MAP3K15: variants seen among roughly 807,000 people sequenced by gnomAD.
The protein encoded by MAP3K15 is MAPK/ERK kinase kinase 15.
Under a neutral mutation model 99.5 loss-of-function variants are expected in MAP3K15, and 124 were observed. The ratio of observed to expected loss-of-function variants is 1.25; its 90% CI spans 1.08 to 1.45. The LOEUF (loss-of-function observed/expected upper bound fraction) is 1.45, where lower values mean the gene tolerates loss of function less well. Ranked by LOEUF, MAP3K15 falls within the 40% of genes most tolerant of loss-of-function variation. MAP3K15 has a pLI of 0.00. For missense variants in MAP3K15, 1,242 were observed against 1,079.7 expected (o/e 1.15, Z -2.11); for synonymous variants, 494 against 439.6 (o/e 1.12, Z -1.55).
chrX:19,487,472 T>C (rs2064337030), intron 2 of MAP3K15, among the ~76,000 whole-genome samples: 1 of 111,946 alleles, frequency 8.9e-6, no homozygotes, highest in Non-Finnish European at 1.9e-5. Context: ...TAAGCATAGC[T>C]ACCTTGGTGA....
At position 19,395,154 on chromosome X, in the gene MAP3K15, G is replaced by A. The variant is rs1218628213; in HGVS notation, c.2121C>T (p.Arg707=). The A allele has an allele frequency of 7.4e-6, 9 of 1,208,849 alleles. No homozygotes were observed. The highest frequency in any genetic ancestry group is 1.7e-5 in the African/African-American group (1 of 57,492). Residue 707 remains arginine (R), a synonymous_variant, in exon 16 of 29, where the codon CGC becomes CGT. Transcript: ENST00000338883. ...CAGAGCCCAGGTACTGAACGATATT[G>A]CGGTGCTTAAGGTACTTGTGCAGGG... ...EIALHKYLKH[R]NIVQYLGSVS...
intron 6 of MAP3K15, among the ~76,000 whole-genome samples, chrX:19,452,504 G>C (rs1255691911): frequency 8.9e-6 from 1 of 112,022 alleles, no homozygotes; most frequent in African/African-American, 3.2e-5. Context: ...ATATCCAAAA[G>C]AATTGGAAGC....
chrX:19,492,781 A>T (rs2064376577), intron 1 of MAP3K15, among the ~76,000 whole-genome samples: 3 of 110,652 alleles, frequency 2.7e-5, no homozygotes, highest in African/African-American at 9.9e-5. Flanking sequence ...AGCCTACCCA[A>T]CGTGGTGAAA....
intron 9 of MAP3K15, among the ~76,000 whole-genome samples, chrX:19,420,962 G>A (rs1175197420): frequency 9.0e-6 from 1 of 111,185 alleles, no homozygotes. Flanking sequence ...TGCAGAAAAG[G>A]CCTTTGACAA....
chrX:19,395,456 G>A (rs746768703), intron 15 of MAP3K15, among the ~76,000 whole-genome samples: 1 of 112,141 alleles, frequency 8.9e-6, no homozygotes, highest in African/African-American at 3.2e-5. Context: ...CTGGTGTGTG[G>A]TGAGTATTCA....
At chrX:19,386,005 A>G (rs1256914315) in intron 18 of MAP3K15, among the ~76,000 whole-genome samples, 1 of 111,859 alleles carries the variant, frequency 8.9e-6, no homozygotes, top group Non-Finnish European at 1.9e-5. Context: ...GCACACAACT[A>G]TTTCAGATAC....
chrX:19,426,428 G>T (rs1205061772), intron 7 of MAP3K15, 85 bp from the exon 8 acceptor site: 2 of 555,342 alleles, frequency 3.6e-6, no homozygotes, highest in Non-Finnish European at 5.2e-6. Flanking sequence ...CTCATGAAAA[G>T]TTTTCTTTCT....
intron 9 of MAP3K15, among the ~76,000 whole-genome samples, chrX:19,418,283 A>G (rs935993426): frequency 9.0e-6 from 1 of 111,332 alleles, no homozygotes; most frequent in African/African-American, 3.3e-5. Flanking sequence ...CAAAGAAGTT[A>G]AAAACCTTGA....
intron 6 of MAP3K15, among the ~76,000 whole-genome samples, chrX:19,442,687 CTTTTA>C (rs1232327099): frequency 1.9e-5 from 2 of 102,926 alleles, no homozygotes; most frequent in African/African-American, 3.6e-5. Context: ...CCATGCCTGG[CTTTTA>C]TTTTATTATT....
chrX:19,363,512 G>C (rs1185376659), intron 25 of MAP3K15, among the ~76,000 whole-genome samples: 1 of 112,326 alleles, frequency 8.9e-6, no homozygotes, highest in Non-Finnish European at 1.9e-5. Flanking sequence ...TCAGAACTCA[G>C]CCAGAAGGAC....
intron 6 of MAP3K15, among the ~76,000 whole-genome samples, chrX:19,454,717 C>G (rs111880458): frequency 8.9e-6 from 1 of 112,046 alleles, no homozygotes; most frequent in Admixed American, 9.5e-5. Context: ...TTTACAGATA[C>G]AAAGTAATGC....
intron 5 of MAP3K15, 150 bp downstream of exon 5, chrX:19,459,835 A>G: frequency 2.4e-6 from 1 of 411,128 alleles, no homozygotes; most frequent in Non-Finnish European, 3.8e-6. Flanking sequence ...GGGCAACAAG[A>G]GCAAAACTCC....
intron 13 of MAP3K15, among the ~76,000 whole-genome samples, chrX:19,403,485 A>C (rs1197552576): frequency 6.1e-5 from 5 of 82,607 alleles, no homozygotes; most frequent in Non-Finnish European, 1.1e-4. Flanking sequence ...TTTTGACAGG[A>C]TCTTGCTCTG....
intron 19 of MAP3K15, among the ~76,000 whole-genome samples, chrX:19,375,942 G>T: frequency 8.9e-6 from 1 of 112,343 alleles, no homozygotes. Flanking sequence ...CTCACAGGTG[G>T]CTCCTCTCAC....
rs1363392740 is a variant in MAP3K15 at position 19,395,065 on chromosome X, G to A, written c.2194+16C>T. 1 of 1,199,815 alleles carries A rather than the reference G, an allele frequency of 8.3e-7. No individual in the cohort carries two copies. Among genetic ancestry groups the A allele is most frequent in the African/African-American group, 1.8e-5 (1 of 56,299 alleles). On this transcript the variant is annotated intron_variant, in intron 16 of 28. Transcript: ENST00000338883. ...TGATTTTCAGAATGTGAGACCAGAA[G>A]ACAGCGACTACTCACCTCCAGGCAC... is the stretch of plus-strand genomic sequence containing the variant.
chrX:19,388,242 C>A (rs777537012), intron 18 of MAP3K15, among the ~76,000 whole-genome samples: 4 of 112,140 alleles, frequency 3.6e-5, no homozygotes, highest in Non-Finnish European at 5.6e-5. Flanking sequence ...CTCCGCCTCC[C>A]GGCTTCAAGC....
chrX:19,379,083 C>T (rs1377326040), intron 19 of MAP3K15, among the ~76,000 whole-genome samples: 3 of 110,372 alleles, frequency 2.7e-5, no homozygotes, highest in African/African-American at 9.9e-5. Context: ...AGGGAAAGGA[C>T]CCTCCCCCAC....
chrX:19,443,699 A>C (rs975912495), intron 6 of MAP3K15, among the ~76,000 whole-genome samples: 2 of 111,539 alleles, frequency 1.8e-5, no homozygotes, highest in African/African-American at 6.5e-5. Context: ...TCCACAGCTG[A>C]GAACAGCCTG....
intron 6 of MAP3K15, among the ~76,000 whole-genome samples, chrX:19,443,780 T>TG (rs1447319100): frequency 9.0e-6 from 1 of 111,230 alleles, no homozygotes; most frequent in Non-Finnish European, 1.9e-5. Context: ...CCAGGCCACA[T>TG]GGAGTCATTT....
Sources: gnomAD v4.1 joint callset for allele counts (sites outside exome capture counted in the v4.1 genomes callset) on GRCh38, gnomAD v4.1.1 for gene constraint, MANE v1.5 for transcripts, NCBI Gene and HGNC (gene_info 2026-07-23, HGNC 2026-07-21) for gene names.